STXBP5L: variants seen among roughly 807,000 people sequenced by gnomAD.
The protein encoded by STXBP5L is syntaxin-binding protein 5-like.
Under a neutral mutation model 144.5 loss-of-function variants are expected in STXBP5L, and 65 were observed. The observed-to-expected ratio is 0.45, with a 90% CI of 0.37 to 0.55. STXBP5L has a LOEUF of 0.55. Ranked by LOEUF, STXBP5L falls within the 20% of genes least tolerant of loss-of-function variation. The pLI is 0.00. For missense variants in STXBP5L, 1,298 were observed against 1,405.5 expected (o/e 0.92, Z 1.22); for synonymous variants, 505 against 469.6 (o/e 1.08, Z -0.97).
At position 121,078,040 on chromosome 3, in the gene STXBP5L, C is replaced by T. The variant is rs548663545; in HGVS notation, c.470+32505C>T. Among the ~76,000 whole-genome samples, 708 of 125,556 alleles carry T rather than the reference C, an allele frequency of 5.6e-3. No individual in the cohort carries two copies. The Middle Eastern group carries it at 0.077, about 14-fold the overall frequency. The allele number at this position is 125,556 out of a possible 152,430, so 82.4% of individuals were successfully genotyped here. A position where few individuals can be genotyped will look rare whatever the true frequency, so the allele number is the denominator to read the frequency against. On this transcript the variant is annotated intron_variant, in intron 5 of 26. Transcript: ENST00000471454. Reference sequence around the variant, plus strand: ...GACACAGGGTGCTGATTGGTGTGTTCACAAACCTTGAGCTAGATACAGAGT... The same window carrying T: ...GACACAGGGTGCTGATTGGTGTGTTTACAAACCTTGAGCTAGATACAGAGT...
At chr3:121,058,720 T>A (rs1576812570) in intron 5 of STXBP5L, among the ~76,000 whole-genome samples, 1 of 152,370 alleles carries the variant, frequency 6.6e-6, no homozygotes, top group East Asian at 1.9e-4. Flanking sequence ...ATTTCTCTAA[T>A]GACCAGTGAT....
chr3:121,106,989 G>T (rs999292739), intron 5 of STXBP5L, among the ~76,000 whole-genome samples: 1 of 152,142 alleles, frequency 6.6e-6, no homozygotes, highest in Admixed American at 6.5e-5. Context: ...TTTCTGTAAT[G>T]ATCAGTGATA....
intron 9 of STXBP5L, among the ~76,000 whole-genome samples, chr3:121,159,513 A>G (rs1397054555): frequency 1.3e-5 from 2 of 152,108 alleles, no homozygotes; most frequent in African/African-American, 2.4e-5. Flanking sequence ...TTAAAATTGT[A>G]GCCAGAGAAT....
At position 121,155,144 on chromosome 3, in the gene STXBP5L, T is replaced by C. The variant is rs553625770; in HGVS notation, c.754-2360T>C. 2.6e-5 allele frequency among the ~76,000 whole-genome samples: 4 copies of C among 151,978 alleles called. No individual in the cohort carries two copies. The South Asian group carries it at 8.3e-4, about 31-fold the overall frequency. On this transcript the variant is annotated intron_variant, in intron 8 of 26. Transcript: ENST00000471454. ...CTACAACAGAACCTTTGAATAGCTC[T>C]CAATTGTCGACAATACACAGTCCAT...
intron 20 of STXBP5L, among the ~76,000 whole-genome samples, chr3:121,346,610 T>C (rs369454542): frequency 2.6e-5 from 4 of 152,068 alleles, no homozygotes; most frequent in East Asian, 1.9e-4. Flanking sequence ...CTCTCCAGCA[T>C]CTGTTGTTTC....
intron 19 of STXBP5L, among the ~76,000 whole-genome samples, chr3:121,316,317 G>A (rs1272426695): frequency 6.6e-6 from 1 of 152,164 alleles, no homozygotes; most frequent in Non-Finnish European, 1.5e-5. Context: ...GAAGGAGCTA[G>A]GGAAAATGAC....
chr3:121,204,521 C>G (rs577792690), intron 9 of STXBP5L, among the ~76,000 whole-genome samples: 10 of 152,190 alleles, frequency 6.6e-5, no homozygotes, highest in African/African-American at 2.2e-4. Flanking sequence ...ATAAAGCTAT[C>G]TTGATATCCT....
intron 5 of STXBP5L, among the ~76,000 whole-genome samples, chr3:121,080,626 T>C (rs1158933952): frequency 6.6e-6 from 1 of 152,218 alleles, no homozygotes; most frequent in Non-Finnish European, 1.5e-5. Context: ...AATTATTTTG[T>C]TTAAGGAGGT....
At chr3:121,195,029 C>T (rs2047863825) in intron 9 of STXBP5L, among the ~76,000 whole-genome samples, 1 of 150,420 alleles carries the variant, frequency 6.6e-6, no homozygotes, top group Admixed American at 6.7e-5. Flanking sequence ...GATTCTTCAG[C>T]CTCGGCCTCC....
chr3:121,278,317 T>A (rs2050947147), intron 18 of STXBP5L, among the ~76,000 whole-genome samples: 1 of 152,024 alleles, frequency 6.6e-6, no homozygotes, highest in South Asian at 2.1e-4. Context: ...AAATAGGAGA[T>A]TAAATCTTTT....
chr3:120,919,649 C>T (rs1227627315), intron 2 of STXBP5L, among the ~76,000 whole-genome samples: 1 of 151,866 alleles, frequency 6.6e-6, no homozygotes, highest in Non-Finnish European at 1.5e-5. Context: ...GCCACAGCTC[C>T]CCACTAGCTA....
At chr3:121,171,755 G>A (rs1025535119) in intron 9 of STXBP5L, among the ~76,000 whole-genome samples, 40 of 124,200 alleles carry the variant, frequency 3.2e-4, no homozygotes, top group African/African-American at 1.4e-3. Flanking sequence ...AATCAATATC[G>A]TGTGAAAATG....
intron 9 of STXBP5L, among the ~76,000 whole-genome samples, chr3:121,204,174 G>A (rs184708233): frequency 1.3e-5 from 2 of 152,254 alleles, no homozygotes; most frequent in African/African-American, 4.8e-5. Flanking sequence ...AGGAGGCAGA[G>A]GTTGCAATGA....
intron 20 of STXBP5L, among the ~76,000 whole-genome samples, chr3:121,349,784 G>C (rs952218185): frequency 6.6e-6 from 1 of 151,936 alleles, no homozygotes; most frequent in East Asian, 1.9e-4. Context: ...TGCAACCCCT[G>C]CCTTTTTTTT....
intron 7 of STXBP5L, among the ~76,000 whole-genome samples, chr3:121,144,826 TAATA>T (rs1170338489): frequency 2.6e-5 from 4 of 151,880 alleles, no homozygotes; most frequent in Non-Finnish European, 4.4e-5. Flanking sequence ...TTTTCAGCCT[TAATA>T]AATAAGGAAA....
intron 5 of STXBP5L, among the ~76,000 whole-genome samples, chr3:121,057,782 A>C (rs916835121): frequency 1.3e-5 from 2 of 151,920 alleles, no homozygotes; most frequent in Non-Finnish European, 2.9e-5. Context: ...ATTTCTTTAG[A>C]AAATATATCA....
chr3:120,984,855 T>A (rs1281757605), intron 3 of STXBP5L, among the ~76,000 whole-genome samples: 1 of 151,974 alleles, frequency 6.6e-6, no homozygotes, highest in Non-Finnish European at 1.5e-5. Flanking sequence ...CCTTATTTGT[T>A]GAGAGTTTTT....
intron 3 of STXBP5L, among the ~76,000 whole-genome samples, chr3:120,968,356 C>T (rs1275295088): frequency 2.6e-5 from 4 of 152,056 alleles, no homozygotes; most frequent in Admixed American, 6.6e-5. Flanking sequence ...CATATAATGA[C>T]CTTCTGTATC....
At position 121,254,903 on chromosome 3, in the gene STXBP5L, C is replaced by A; in HGVS notation, c.1450C>A (p.Gln484Lys). ...GCTTCGATGTCTTATAGTAACTCTG[C>A]AGATGCTGTACAAGCTAAAAACTTC... ...KFWDASAITL[Q>K]MLYKLKTSKV... Residue 484 changes from glutamine (Q) to lysine (K), a missense_variant, in exon 16 of 27, where the codon CAG becomes AAG. Physicochemically the swap from Gln to Lys is moderately conservative, Grantham distance 53. Coordinates refer to ENST00000471454, the MANE Select transcript of STXBP5L (RefSeq NM_001308330.2). 2 of 1,609,714 alleles carry A rather than the reference C, an allele frequency of 1.2e-6. No homozygotes were observed. The highest frequency in any genetic ancestry group is 2.2e-5 in the East Asian group (1 of 44,702).
Sources: allele counts gnomAD v4.1 joint callset (sites outside exome capture counted in the v4.1 genomes callset), GRCh38; gene constraint gnomAD v4.1.1; transcripts MANE v1.5; gene names NCBI Gene and HGNC (gene_info 2026-07-23, HGNC 2026-07-21).